PPARD: variants seen among roughly 807,000 people sequenced by gnomAD.
The protein encoded by PPARD is peroxisome proliferator activated receptor delta, also known as peroxisome proliferator-activated receptor delta.
Under a neutral mutation model 39.5 loss-of-function variants are expected in PPARD, and 6 were observed. That is an observed-to-expected ratio of 0.15 (90% CI 0.08 to 0.30). The LOEUF (loss-of-function observed/expected upper bound fraction) is 0.30. Among genes scored for constraint, PPARD ranks in the 10% least tolerant of loss-of-function variants. The probability of loss-of-function intolerance (pLI) is 1.00; values close to 1 mark genes in which losing one functional copy is unlikely to be tolerated. For synonymous variants in PPARD, 210 were observed against 231.3 expected, an observed-to-expected ratio of 0.91 and a Z score of 0.83; for missense variants, 397 against 596.8, an observed-to-expected ratio of 0.67 and a Z score of 3.49.
chr6:35,414,905 C>G (rs1765651570), intron 3 of PPARD, among the ~76,000 whole-genome samples: 1 of 152,046 alleles, frequency 6.6e-6, no homozygotes, highest in Admixed American at 6.5e-5. Flanking sequence ...ACCTTCTCAC[C>G]CTCCCCCCAG....
At chr6:35,349,271 G>A (rs948688838) in intron 2 of PPARD, among the ~76,000 whole-genome samples, 25 of 151,432 alleles carry the variant, frequency 1.7e-4, no homozygotes, top group African/African-American at 4.6e-4. Context: ...GTGATCCACC[G>A]GCCTCGGCCT....
At chr6:35,404,437 A>G (rs912368914) in intron 2 of PPARD, among the ~76,000 whole-genome samples, 1 of 152,180 alleles carries the variant, frequency 6.6e-6, no homozygotes, top group African/African-American at 2.4e-5. Context: ...TGGTACAGTA[A>G]GAAGGTCCAT....
intron 2 of PPARD, among the ~76,000 whole-genome samples, chr6:35,370,181 T>G (rs7754530): frequency 0.028 from 4,309 of 152,286 alleles, 171 homozygotes; most frequent in African/African-American, 0.082. Flanking sequence ...GTCTGTGTCC[T>G]GACCCTGTCT....
intron 2 of PPARD, among the ~76,000 whole-genome samples, chr6:35,390,564 A>C (rs1763950193): frequency 6.6e-6 from 1 of 152,192 alleles, no homozygotes; most frequent in Non-Finnish European, 1.5e-5. Context: ...GCCCAAAATC[A>C]TAACTTTTTC....
chr6:35,380,584 G>A (rs1763102685), intron 2 of PPARD, among the ~76,000 whole-genome samples: 1 of 145,484 alleles, frequency 6.9e-6, no homozygotes, highest in African/African-American at 2.5e-5. Flanking sequence ...GACCTTTCGG[G>A]CTCAAGCAGG....
rs1248707294 is a variant in PPARD, at chr6:35,412,806, G to A, written c.130+1589G>A. Among the ~76,000 whole-genome samples, 1 of 152,158 alleles carries A rather than the reference G, an allele frequency of 6.6e-6. No homozygotes were observed. Among genetic ancestry groups the A allele is most frequent in the Admixed American group, 6.5e-5 (1 of 15,272 alleles). On this transcript the variant is annotated intron_variant, in intron 3 of 7. Coordinates refer to ENST00000360694, the MANE Select transcript of PPARD (RefSeq NM_006238.5). The surrounding 1 kb of genome is among the most constrained non-coding windows in gnomAD (Gnocchi z 4.1). ...TAAGCAACTTCCTGTCTATTGGCTG[G>A]TAACTGGGATGGCTTTGGAGACACA...
intron 2 of PPARD, among the ~76,000 whole-genome samples, chr6:35,361,416 G>C (rs1431962373): frequency 1.3e-5 from 2 of 152,194 alleles, no homozygotes; most frequent in Non-Finnish European, 2.9e-5. Context: ...GGGAGGCCAA[G>C]GTGGGAGGGT....
At chr6:35,408,842 A>C (rs1347508168) in intron 2 of PPARD, among the ~76,000 whole-genome samples, 3 of 152,218 alleles carry the variant, frequency 2.0e-5, no homozygotes, top group Non-Finnish European at 4.4e-5. Context: ...CATATCCTTT[A>C]CCCAGCTCAC....
intron 2 of PPARD, among the ~76,000 whole-genome samples, chr6:35,406,601 T>C (rs1241817712): frequency 1.3e-5 from 2 of 152,076 alleles, no homozygotes; most frequent in Non-Finnish European, 2.9e-5. Flanking sequence ...TCTTCACTGG[T>C]GTCCTTGAGA....
intron 3 of PPARD, among the ~76,000 whole-genome samples, chr6:35,417,466 C>T (rs2299871): frequency 0.79 from 119,764 of 151,464 alleles, 47,637 homozygotes; most frequent in Non-Finnish European, 0.82. Context: ...TTTTTTTTTA[C>T]TTTTTATAGA....
chr6:35,376,105 A>G (rs1340363308), intron 2 of PPARD, among the ~76,000 whole-genome samples: 3 of 152,228 alleles, frequency 2.0e-5, no homozygotes, highest in African/African-American at 7.2e-5. Flanking sequence ...TATAAAAGAA[A>G]AAACAAAGAA....
At chr6:35,405,937 T>G (rs1263727595) in intron 2 of PPARD, among the ~76,000 whole-genome samples, 2 of 151,576 alleles carry the variant, frequency 1.3e-5, no homozygotes, top group Non-Finnish European at 2.9e-5. Context: ...GACTTTTTTT[T>G]TTGTTTTTGA....
chr6:35,348,554 T>G (rs1193962504), intron 2 of PPARD: 3 of 985,348 alleles, frequency 3.0e-6, no homozygotes, highest in Non-Finnish European at 3.6e-6. Flanking sequence ...GTGGGCCTCC[T>G]GCCTGATTTG....
chr6:35,355,662 A>G (rs1468242117), intron 2 of PPARD, among the ~76,000 whole-genome samples: 2 of 110,828 alleles, frequency 1.8e-5, no homozygotes, highest in African/African-American at 7.1e-5. Context: ...CCCAGGCTGG[A>G]GTGCAGTGGC....
At chr6:35,402,245 C>A (rs1191379873) in intron 2 of PPARD, among the ~76,000 whole-genome samples, 1 of 152,210 alleles carries the variant, frequency 6.6e-6, no homozygotes, top group African/African-American at 2.4e-5. Context: ...ACATTTGTGG[C>A]CATGTCTTTT....
chr6:35,403,725 G>C (rs1435469190), intron 2 of PPARD, among the ~76,000 whole-genome samples: 3 of 151,758 alleles, frequency 2.0e-5, no homozygotes, highest in Non-Finnish European at 4.4e-5. Flanking sequence ...GGAGGGCCCG[G>C]GTCAGGGTTG....
Position 35,366,486 on chromosome 6 carries a change from G to A in PPARD, c.-102+19336G>A, listed in dbSNP as rs116829806. The stretch of plus-strand genomic sequence containing the variant: ...GGTCAAAATGGAGAGAGATACACAG[G>A]CAGAGGCCTAGATTAGGAGATGGCT... On this transcript the variant is annotated intron_variant, in intron 2 of 7. Transcript: ENST00000360694. This position sits in a 1 kb window ranked among gnomAD's most constrained non-coding sequence, Gnocchi z 4.6. 4.2e-3 allele frequency among the ~76,000 whole-genome samples: 631 copies of A among 151,760 alleles called. 20 individuals are homozygous for A. Among genetic ancestry groups the A allele is most frequent in the Middle Eastern group, 0.014 (4 of 294 alleles).
intron 3 of PPARD, among the ~76,000 whole-genome samples, chr6:35,419,249 G>T (rs1765984331): frequency 1.3e-5 from 2 of 152,124 alleles, no homozygotes; most frequent in South Asian, 2.1e-4. Flanking sequence ...GTGGGGCCAT[G>T]AAACCAGCTT....
chr6:35,418,032 G>A (rs1264771269), intron 3 of PPARD, among the ~76,000 whole-genome samples: 1 of 152,182 alleles, frequency 6.6e-6, no homozygotes, highest in Non-Finnish European at 1.5e-5. Context: ...TCCAGGAGGT[G>A]TGAATAATCT....
Sources: gnomAD v4.1 joint callset for allele counts (sites outside exome capture counted in the v4.1 genomes callset) on GRCh38, gnomAD v4.1.1 for gene constraint, Gnocchi (gnomAD v3.1) non-coding constraint, MANE v1.5 for transcripts, NCBI Gene and HGNC (gene_info 2026-07-23, HGNC 2026-07-21) for gene names.